FBXO41: variants seen among roughly 807,000 people sequenced by gnomAD.
FBXO41 encodes the protein F-box protein 41.
A neutral mutation model predicts 81.6 loss-of-function variants in FBXO41; 33 were observed. The ratio of observed to expected loss-of-function variants is 0.40; its 90% CI spans 0.31 to 0.54. The LOEUF is 0.54. Ranked by LOEUF, FBXO41 falls within the 20% of genes least tolerant of loss-of-function variation. FBXO41 has a pLI of 0.39. For synonymous variants in FBXO41, 576 were observed against 552.7 expected, an observed-to-expected ratio of 1.04 and a Z score of -0.59; for missense variants, 1,107 against 1,236.0, an observed-to-expected ratio of 0.90 and a Z score of 1.56.
In FBXO41 at chr2:73,260,085, G is replaced by GC. The variant is rs564553456; in HGVS notation, c.2449+303_2449+304insG. Among the ~76,000 whole-genome samples the GC allele has an allele frequency of 3.2e-3, 488 of 152,124 alleles. 3 individuals carry two copies. The highest frequency in any genetic ancestry group is 0.011 in the African/African-American group (436 of 41,502). On this transcript the variant is annotated intron_variant, in intron 11 of 12. Transcript: ENST00000520530. The surrounding 1 kb of genome is among the most constrained non-coding windows in gnomAD (Gnocchi z 5.0). ...TCACCCTGAGAACTGTCCTTGGGGG[G>GC]GCTTCCATATATCATCTCATTTAAT... is the stretch of plus-strand genomic sequence containing the variant.
rs1574386115 is a variant in FBXO41 at position 73,269,107 on chromosome 2, G to A, written c.524C>T (p.Pro175Leu). 6.6e-7 allele frequency: 1 copy of A among 1,508,238 alleles called. No individual in the cohort carries two copies. 93.4% of individuals were successfully genotyped at this position (1,508,238 alleles called of 1,614,324 possible). A position where few individuals can be genotyped will look rare whatever the true frequency, so the allele number is the denominator to read the frequency against. The stretch of plus-strand genomic sequence containing the variant: ...AGGCCCGGGGCAAGGGCCGGGGCCG[G>A]GGCCAGGCGGCGGCGTCGAGCACGC... ...SSACSTPPPG[P>L]GPGPCPGPAS... Residue 175 changes from proline (P) to leucine (L), a missense_variant, in exon 2 of 13, where the codon CCC becomes CTC. By Grantham distance (98) the Pro-to-Leu change is moderately conservative. Transcript: ENST00000520530. This position sits in a 1 kb window ranked among gnomAD's most constrained non-coding sequence, Gnocchi z 7.0.
chr2:73,263,830 C>T lies in FBXO41; in HGVS notation c.1923G>A (p.Arg641=). 3 of 1,614,030 alleles carry T rather than the reference C, an allele frequency of 1.9e-6. No homozygotes were observed. The highest frequency in any genetic ancestry group is 2.5e-6 in the Non-Finnish European group (3 of 1,179,894). The change falls in exon 8 of 13, where the codon CGG becomes CGA. Residue 641 remains arginine, a splice_region_variant and synonymous_variant. Transcript: ENST00000520530. ...ESKEEYARST[R]GCLEAGLESL... is the part of the protein sequence containing the mutation. ...ACTCCAGCCCAGCTTCCAGGCAGCC[C>T]CTGGGGATGACCAAGAGGTCAGAGA...
rs554669277 is a variant in FBXO41 at position 73,264,444 on chromosome 2, C to T, written c.1640G>A (p.Ser547Asn). The change falls in exon 6 of 13, where the codon AGC becomes AAC. Residue 547 changes from serine to asparagine, a missense_variant. By Grantham distance (46) the Ser-to-Asn change is conservative. Transcript: ENST00000520530. ...VSPSRSNEVI[S>N]PEILKMRAAL... The stretch of plus-strand genomic sequence containing the variant: ...AGCTCGCATCTTCAGGATCTCTGGG[C>T]TGATGACCTCATTGGAGCGTGAGGG... 6.2e-7 allele frequency: 1 copy of T among 1,613,976 alleles called. No homozygotes were observed. The highest frequency in any genetic ancestry group is 1.1e-5 in the South Asian group (1 of 91,086).
At chr2:73,270,415 C>T (rs1242665547) in intron 1 of FBXO41, among the ~76,000 whole-genome samples, 1 of 152,138 alleles carries the variant, frequency 6.6e-6, no homozygotes, top group Non-Finnish European at 1.5e-5. Flanking sequence ...AAAGAACATG[C>T]ATGCTTATTT....
intron 1 of FBXO41, chr2:73,270,839 A>G: frequency 1.9e-6 from 1 of 534,200 alleles, no homozygotes; most frequent in Non-Finnish European, 3.8e-6. Context: ...CCTCTTCCTA[A>G]CTGCCTGCAA....
chr2:73,270,318 A>C (rs185938437), intron 1 of FBXO41, among the ~76,000 whole-genome samples: 2 of 152,080 alleles, frequency 1.3e-5, no homozygotes, highest in Non-Finnish European at 2.9e-5. Flanking sequence ...AATGTTCTCT[A>C]TCTGCTTTGA....
intron 9 of FBXO41, among the ~76,000 whole-genome samples, chr2:73,262,247 G>A (rs976572341): frequency 5.4e-5 from 8 of 147,940 alleles, no homozygotes; most frequent in Admixed American, 2.0e-4. Flanking sequence ...AAAAAAAAAA[G>A]AAATTATTGC....
rs1407439819 is a variant in FBXO41 at position 73,284,243 on chromosome 2, G to C, written c.-222C>G. On this transcript the variant is annotated 5_prime_UTR_variant, in exon 1 of 13. Transcript: ENST00000520530. The surrounding 1 kb of genome is among the most constrained non-coding windows in gnomAD (Gnocchi z 7.4). ...CCCCCGCGTGCCCGGTCCAGACGCA[G>C]GGCCGCCTTGGGGCCTCGGATCTCG... 1 of 152,172 alleles carries C rather than the reference G, an allele frequency of 6.6e-6. No individual in the cohort carries two copies. The highest frequency in any genetic ancestry group is 2.1e-4 in the South Asian group (1 of 4,828). 9.4% of individuals were successfully genotyped at this position (152,172 alleles called of 1,614,324 possible).
rs2103886195 is a variant in FBXO41, at chr2:73,268,852, C to A, written c.779G>T (p.Arg260Leu). 1 of 1,570,178 alleles carries A rather than the reference C, an allele frequency of 6.4e-7. No homozygotes were observed. The highest frequency in any genetic ancestry group is 2.4e-5 in the East Asian group (1 of 41,870). The stretch of plus-strand genomic sequence containing the variant: ...GCGCTCCTCCAGCTCCTCCTTCTCG[C>A]GCCCGAGCCTCGCACTCTCCTGCCG... ...TARQESARLGREKEELEERAS... is the reference protein window; with the variant it reads ...TARQESARLGLEKEELEERAS... Residue 260 changes from arginine to leucine, a missense_variant, in exon 2 of 13, where the codon CGC becomes CTC. Around this residue, in one of 2 missense-constraint regions of FBXO41, gnomAD observed 771 missense variants for 789.2 expected, o/e 0.98. Transcript: ENST00000520530.
rs1005780720 is a variant in FBXO41 at position 73,269,226 on chromosome 2, C to T, written c.405G>A (p.Pro135=). 9.1e-5 allele frequency: 139 copies of T among 1,525,506 alleles called. No homozygotes were observed. The highest frequency in any genetic ancestry group is 3.4e-4 in the Middle Eastern group (2 of 5,876). 94.5% of individuals were successfully genotyped at this position (1,525,506 alleles called of 1,614,324 possible). The stretch of plus-strand genomic sequence containing the variant: ...GCGCTGCTGCGGCGGGCACAAGGCC[C>T]GGCTCGGCCAACTCCTCACAGGGCA... ...ASLPCEELAE[P]GLVPAAAARY... is the part of the protein sequence containing the mutation. Residue 135 remains proline, a synonymous_variant, in exon 2 of 13, where the codon CCG becomes CCA. Coordinates refer to ENST00000520530, the MANE Select transcript of FBXO41 (RefSeq NM_001371389.2). This position sits in a 1 kb window ranked among gnomAD's most constrained non-coding sequence, Gnocchi z 7.0.
chr2:73,264,697 A>G (rs531199367), intron 5 of FBXO41, among the ~76,000 whole-genome samples, 178 bp from the exon 6 acceptor site: 2 of 152,242 alleles, frequency 1.3e-5, no homozygotes, highest in East Asian at 1.9e-4. Context: ...CCCCATCTCC[A>G]GTTTTACAAA....
intron 1 of FBXO41, among the ~76,000 whole-genome samples, chr2:73,282,613 G>C (rs994773388): frequency 2.6e-5 from 4 of 152,146 alleles, no homozygotes; most frequent in Admixed American, 1.3e-4. Flanking sequence ...TGAGGTGGGA[G>C]GATTGCTTGG....
At position 73,269,451 on chromosome 2, in the gene FBXO41, A is replaced by G. The variant is rs1452936004; in HGVS notation, c.180T>C (p.Ala60=). 7.4e-5 allele frequency: 95 copies of G among 1,291,718 alleles called. No homozygotes were observed. Among genetic ancestry groups the G allele is most frequent in the South Asian group, 6.5e-4 (28 of 43,326 alleles). 80.0% of individuals were successfully genotyped at this position (1,291,718 alleles called of 1,614,324 possible). A position where few individuals can be genotyped will look rare whatever the true frequency, so the allele number is the denominator to read the frequency against. ...CGGGAGCCAGCGGGAACCCCGAGGC[A>G]GCGGCGGCGGCGGCCGCGGCGGCGG... The part of the protein sequence containing the change: ...GAAAAAAAAA[A]ASGFPLAPEP... Residue 60 remains alanine, a synonymous_variant, in exon 2 of 13, where the codon GCT becomes GCC. Coordinates refer to ENST00000520530, the MANE Select transcript of FBXO41 (RefSeq NM_001371389.2). This position sits in a 1 kb window ranked among gnomAD's most constrained non-coding sequence, Gnocchi z 7.0.
rs1239912088 is a variant in FBXO41 at position 73,260,845 on chromosome 2, G to T, written c.2185C>A (p.Arg729Ser). Residue 729 changes from arginine to serine, a missense_variant, in exon 10 of 13, where the codon CGC becomes AGC. Arg to Ser is a moderately radical substitution (Grantham distance 110). This residue lies in a region of FBXO41 where 336 missense variants were observed against 446.7 expected (regional missense o/e 0.75). Transcript: ENST00000520530. The surrounding 1 kb of genome is among the most constrained non-coding windows in gnomAD (Gnocchi z 5.0). The part of the protein sequence containing the change: ...APLHPCQQPT[R>S]FSNRCLQMIG... ...ATCTGCAGGCAGCGGTTACTGAAGC[G>T]TGTGGGCTGCTGGCTGGAGAATGGG... 6 of 1,563,140 alleles carry T rather than the reference G, an allele frequency of 3.8e-6. No homozygotes were observed. The highest frequency in any genetic ancestry group is 5.2e-6 in the Non-Finnish European group (6 of 1,152,546).
Position 73,263,856 on chromosome 2 carries a change from G to A in FBXO41, c.1923-26C>T, listed in dbSNP as rs749072249. 5 of 1,613,916 alleles carry A rather than the reference G, an allele frequency of 3.1e-6. No individual in the cohort carries two copies. The African/African-American group carries it at 5.3e-5, about 17-fold the overall frequency. The stretch of plus-strand genomic sequence containing the variant: ...CTGGGGATGACCAAGAGGTCAGAGA[G>A]CTGGCAACCTCCTCCTCTGGGAAAC... On this transcript the variant is annotated intron_variant, in intron 7 of 12. Coordinates refer to ENST00000520530, the MANE Select transcript of FBXO41 (RefSeq NM_001371389.2).
chr2:73,263,137 G>A lies in FBXO41; in HGVS notation c.2171+76C>T, dbSNP rs1023733737. 43 of 1,176,472 alleles carry A rather than the reference G, an allele frequency of 3.7e-5. No homozygotes were observed. The Middle Eastern group carries it at 1.2e-3, about 32-fold the overall frequency. The allele number at this position is 1,176,472 out of a possible 1,614,324, so 72.9% of individuals were successfully genotyped here. On this transcript the variant is annotated intron_variant, in intron 9 of 12. Transcript: ENST00000520530. ...CCTAATAGCTTGTGGAATGGGCTCA[G>A]ATCTGCTAAGTCCTCAGCCCCAGAC... is the stretch of plus-strand genomic sequence containing the variant.
intron 1 of FBXO41, among the ~76,000 whole-genome samples, chr2:73,282,718 C>T (rs1273109595): frequency 6.6e-6 from 1 of 152,114 alleles, no homozygotes; most frequent in Admixed American, 6.6e-5. Context: ...AACAAATATT[C>T]CAAAACAAAA....
In FBXO41 at chr2:73,268,684, G is replaced by A. The variant is rs1323535983; in HGVS notation, c.905+42C>T. 2.0e-6 allele frequency: 3 copies of A among 1,471,330 alleles called. No homozygotes were observed. The South Asian group carries it at 4.2e-5, about 20-fold the overall frequency. The allele number at this position is 1,471,330 out of a possible 1,614,324, so 91.1% of individuals were successfully genotyped here. ...GGTGGTGGTGGTGGCACAGTGACCC[G>A]CACAGGCACAACCACTCACAGGGCC... On this transcript the variant is annotated intron_variant, in intron 2 of 12. Coordinates refer to ENST00000520530, the MANE Select transcript of FBXO41 (RefSeq NM_001371389.2).
At chr2:73,265,839 G>A (rs1688244015) in intron 4 of FBXO41, 54 bp downstream of exon 4, 2 of 1,537,410 alleles carry the variant, frequency 1.3e-6, no homozygotes, top group Admixed American at 3.9e-5. Flanking sequence ...CAGGCCAGCG[G>A]ATCCTTCCAG....
Sources: gnomAD v4.1 joint callset for allele counts (sites outside exome capture counted in the v4.1 genomes callset) on GRCh38, gnomAD v4.1.1 for gene constraint, gnomAD v4.1.1 regional missense constraint, Gnocchi (gnomAD v3.1) non-coding constraint, MANE v1.5 for transcripts, NCBI Gene and HGNC (gene_info 2026-07-23, HGNC 2026-07-21) for gene names.